The following SP3 variants were observed in gnomAD, a reference collection of about 807,000 sequenced individuals.
The protein encoded by SP3 is Sp3 transcription factor.
A neutral mutation model predicts 70.3 loss-of-function variants in SP3; 10 were observed. The observed-to-expected ratio is 0.14, with a 90% CI of 0.09 to 0.24. The LOEUF (loss-of-function observed/expected upper bound fraction) is 0.24, where lower values mean the gene tolerates loss of function less well. Ranked by LOEUF, SP3 falls within the 10% of genes least tolerant of loss-of-function variation. The probability of loss-of-function intolerance (pLI) is 1.00; values close to 1 mark genes in which losing one functional copy is unlikely to be tolerated. For synonymous variants in SP3, 402 were observed against 333.5 expected (o/e 1.21, Z -2.24); for missense variants, 825 against 914.6 (o/e 0.90, Z 1.26).
At chr2:173,953,679 A>C (rs1031935546) in intron 4 of SP3, among the ~76,000 whole-genome samples, 7 of 152,004 alleles carry the variant, frequency 4.6e-5, no homozygotes, top group African/African-American at 1.7e-4. Context: ...GAGGCACGAG[A>C]ATTGCTTGAA....
chr2:173,930,179 T>C (rs1002997730), intron 4 of SP3, among the ~76,000 whole-genome samples: 1 of 152,180 alleles, frequency 6.6e-6, no homozygotes, highest in Non-Finnish European at 1.5e-5. Flanking sequence ...ATTTTAACAA[T>C]GGAAGTGATG....
At chr2:173,943,432 A>G (rs1303369917) in intron 4 of SP3, among the ~76,000 whole-genome samples, 2 of 152,160 alleles carry the variant, frequency 1.3e-5, no homozygotes, top group Non-Finnish European at 2.9e-5. Context: ...GGATTTCCTA[A>G]CCATCATATT....
intron 6 of SP3, among the ~76,000 whole-genome samples, chr2:173,910,806 A>G (rs1689460084): frequency 6.6e-6 from 1 of 152,224 alleles, no homozygotes; most frequent in Admixed American, 6.5e-5. Context: ...GACTTCAGCT[A>G]CAACAATCAA....
intron 4 of SP3, among the ~76,000 whole-genome samples, chr2:173,929,040 G>A (rs1428889995): frequency 6.6e-6 from 1 of 152,098 alleles, no homozygotes; most frequent in Non-Finnish European, 1.5e-5. Flanking sequence ...GGTTGGTAAG[G>A]GAGATGTGAT....
chr2:173,926,967 G>T (rs566510271), intron 4 of SP3, among the ~76,000 whole-genome samples: 2 of 152,094 alleles, frequency 1.3e-5, no homozygotes, highest in African/African-American at 4.8e-5. Flanking sequence ...TGTATAGGAA[G>T]CATGATTCTG....
At chr2:173,932,624 T>A (rs1422947725) in intron 4 of SP3, among the ~76,000 whole-genome samples, 1 of 152,216 alleles carries the variant, frequency 6.6e-6, no homozygotes, top group Non-Finnish European at 1.5e-5. Context: ...TATGGGTGCA[T>A]GGTCTGTTGT....
In SP3 at chr2:173,911,813, C is replaced by CTT. The variant is rs11448837; in HGVS notation, c.2029+1255_2029+1256dup. Among the ~76,000 whole-genome samples the CTT allele has an allele frequency of 7.6e-3, 745 of 97,990 alleles. 17 individuals carry two copies. Among genetic ancestry groups the CTT allele is most frequent in the African/African-American group, 0.014 (336 of 23,472 alleles). The allele number at this position is 97,990 out of a possible 152,430, so 64.3% of individuals were successfully genotyped here. The stretch of plus-strand genomic sequence containing the variant: ...CTGCAACGCAAAATCTTTTATCTAC[C>CTT]TTTTTTTTTTTTTTTTTTTTTTTGA... On this transcript the variant is annotated intron_variant, in intron 6 of 6. Transcript: ENST00000310015.
intron 3 of SP3, 30 bp downstream of exon 3, chr2:173,963,731 C>CGGCGGG (rs1691163922): frequency 1.1e-6 from 1 of 929,086 alleles, no homozygotes; most frequent in African/African-American, 1.8e-5. Context: ...CGCCCGGCCT[C>CGGCGGG]GGCGGGGGCG....
chr2:173,945,499 A>C (rs1427059978), intron 4 of SP3, among the ~76,000 whole-genome samples: 1 of 152,198 alleles, frequency 6.6e-6, no homozygotes, highest in Non-Finnish European at 1.5e-5. Context: ...CCAGACATAT[A>C]AAGACATTTA....
At chr2:173,950,826 A>C (rs1690690909) in intron 4 of SP3, among the ~76,000 whole-genome samples, 1 of 152,206 alleles carries the variant, frequency 6.6e-6, no homozygotes. Flanking sequence ...GAAAGATAGT[A>C]TACCAAGAGA....
intron 4 of SP3, among the ~76,000 whole-genome samples, chr2:173,933,994 G>A (rs1452843350): frequency 6.7e-6 from 1 of 148,210 alleles, no homozygotes; most frequent in Non-Finnish European, 1.5e-5. Flanking sequence ...GTTACTTGGA[G>A]GCAGAGGTGG....
intron 4 of SP3, 70 bp downstream of exon 4, chr2:173,954,803 T>C: frequency 1.4e-6 from 2 of 1,460,794 alleles, no homozygotes; most frequent in South Asian, 2.6e-5. Flanking sequence ...GATAAATACC[T>C]AAAGCAAAAA....
chr2:173,955,876 T>C lies in SP3; in HGVS notation c.636A>G (p.Gln212=). 6.2e-7 allele frequency: 1 copy of C among 1,614,206 alleles called. No homozygotes were observed. The highest frequency in any genetic ancestry group is 1.3e-5 in the African/African-American group (1 of 75,050). Residue 212 remains glutamine (Q), a synonymous_variant, in exon 4 of 7, where the codon CAA becomes CAG. Coordinates refer to ENST00000310015, the MANE Select transcript of SP3 (RefSeq NM_003111.5). The stretch of plus-strand genomic sequence containing the variant: ...AAGGTGTTCCAGAGGCAAGTAAGGT[T>C]TGATTAGAGCCAGGAATGATCTGAA... The part of the protein sequence containing the change: ...SQIQIIPGSN[Q]TLLASGTPSA...
chr2:173,943,079 G>T lies in SP3; in HGVS notation c.1639+11794C>A, dbSNP rs1690424176. On this transcript the variant is annotated intron_variant, in intron 4 of 6. Transcript: ENST00000310015. ...GAGTATCCTAGAACCAATGCCCAATGGATACTGAGGAATGACTCTATTGCT... is the reference window on the plus strand; with the variant it reads ...GAGTATCCTAGAACCAATGCCCAATTGATACTGAGGAATGACTCTATTGCT... Among the ~76,000 whole-genome samples the T allele has an allele frequency of 2.0e-5, 3 of 152,060 alleles. No homozygotes were observed. The South Asian group carries it at 6.2e-4, about 32-fold the overall frequency.
rs1559113544 is a variant in SP3, at chr2:173,964,294, G to GGGGAGGGGAGAGACGAGGA, written c.156+92_156+110dup. On this transcript the variant is annotated intron_variant, in intron 2 of 6. Coordinates refer to ENST00000310015, the MANE Select transcript of SP3 (RefSeq NM_003111.5). ...CCCGGGGCGGGGGGAGGGGAGTGGAGGGGAGGGGAGAGACGAGGAGGGAGG... is the reference window on the plus strand; with the variant it reads ...CCCGGGGCGGGGGGAGGGGAGTGGAGGGGAGGGGAGAGACGAGGAGGGAGGGGAGAGACGAGGAGGGAGG... 5.8e-4 allele frequency: 320 copies of GGGGAGGGGAGAGACGAGGA among 549,078 alleles called. 1 individual carries two copies. The highest frequency in any genetic ancestry group is 7.7e-4 in the Non-Finnish European group (240 of 309,900). The allele number at this position is 549,078 out of a possible 1,614,324, so 34.0% of individuals were successfully genotyped here.
In SP3 at chr2:173,904,351, A is replaced by G. The variant is rs1053589234; in HGVS notation, c.*5590T>C. Reference sequence around the variant, plus strand: ...TCTATGGTGTTTTACGAGAGAATATACTGTACCTCAGTTGTCTTAGTTGGC... The same window carrying G: ...TCTATGGTGTTTTACGAGAGAATATGCTGTACCTCAGTTGTCTTAGTTGGC... On this transcript the variant is annotated 3_prime_UTR_variant, in exon 7 of 7. Transcript: ENST00000310015. Among the ~76,000 whole-genome samples the G allele has an allele frequency of 6.6e-6, 1 of 152,154 alleles. No homozygotes were observed. Among genetic ancestry groups the G allele is most frequent in the Non-Finnish European group, 1.5e-5 (1 of 68,024 alleles).
At chr2:173,929,643 T>G (rs1345632592) in intron 4 of SP3, among the ~76,000 whole-genome samples, 2 of 152,336 alleles carry the variant, frequency 1.3e-5, no homozygotes, top group East Asian at 3.9e-4. Flanking sequence ...GGGAATGCTC[T>G]GACTGACCCT....
chr2:173,939,682 T>G (rs911946005), intron 4 of SP3, among the ~76,000 whole-genome samples: 6 of 139,530 alleles, frequency 4.3e-5, no homozygotes, highest in Non-Finnish European at 9.0e-5. Flanking sequence ...GGAAGATCAC[T>G]TGAGCCAGAG....
chr2:173,960,332 T>G (rs1691027229), intron 3 of SP3, among the ~76,000 whole-genome samples: 1 of 152,186 alleles, frequency 6.6e-6, no homozygotes. Flanking sequence ...ATTATTAACT[T>G]AGTTCCCACG....
Sources: gnomAD v4.1 joint callset for allele counts (sites outside exome capture counted in the v4.1 genomes callset) on GRCh38, gnomAD v4.1.1 for gene constraint, MANE v1.5 for transcripts, NCBI Gene and HGNC (gene_info 2026-07-23, HGNC 2026-07-21) for gene names.